Variants in TJP1 observed in about 807,000 individuals in gnomAD.
TJP1 encodes the protein tight junction protein ZO-1.
In TJP1, 43 loss-of-function variants were observed where a neutral mutation model predicts 194.2. That is an observed-to-expected ratio of 0.22 (90% confidence interval 0.17 to 0.29). TJP1 has a LOEUF of 0.29. Ranked by LOEUF, TJP1 falls within the 10% of genes least tolerant of loss-of-function variation. The probability of loss-of-function intolerance (pLI) is 1.00; values close to 1 mark genes in which losing one functional copy is unlikely to be tolerated. For missense variants in TJP1, 1,971 were observed against 2,185.7 expected (o/e 0.90, Z 1.96); for synonymous variants, 801 against 779.0 (o/e 1.03, Z -0.47).
chr15:29,877,527 A>ATTTCT (rs1271335080), intron 2 of TJP1, among the ~76,000 whole-genome samples: 1 of 151,380 alleles, frequency 6.6e-6, no homozygotes, highest in Non-Finnish European at 1.5e-5. Context: ...GGCCTAGATT[A>ATTTCT]TTTCTTTTCT....
chr15:29,768,417 A>G (rs1233533928), intron 4 of TJP1, among the ~76,000 whole-genome samples: 1 of 152,200 alleles, frequency 6.6e-6, no homozygotes, highest in Non-Finnish European at 1.5e-5. Flanking sequence ...TTATATTGGA[A>G]GCAATACCTG....
chr15:29,857,612 T>C (rs1472293678), intron 2 of TJP1, among the ~76,000 whole-genome samples: 1 of 152,170 alleles, frequency 6.6e-6, no homozygotes, highest in Non-Finnish European at 1.5e-5. Flanking sequence ...CAGAACTGAA[T>C]ACTGATGTCA....
At chr15:29,715,382 A>C (rs551819027) in intron 23 of TJP1, among the ~76,000 whole-genome samples, 7 of 152,322 alleles carry the variant, frequency 4.6e-5, no homozygotes, top group Admixed American at 3.9e-4. Flanking sequence ...TGTAAACATA[A>C]AGCCTTAAAT....
chr15:29,704,806 G>A (rs2041787882), intron 26 of TJP1, among the ~76,000 whole-genome samples: 1 of 152,184 alleles, frequency 6.6e-6, no homozygotes, highest in Non-Finnish European at 1.5e-5. Context: ...GGTGGTTAAA[G>A]AGATTCATGC....
intron 25 of TJP1, among the ~76,000 whole-genome samples, chr15:29,707,267 C>T (rs2041956111): frequency 6.6e-6 from 1 of 152,172 alleles, no homozygotes; most frequent in Non-Finnish European, 1.5e-5. Flanking sequence ...TATCAACTTC[C>T]TGAAAGTACA....
At chr15:29,865,247 A>G (rs941888133) in intron 2 of TJP1, among the ~76,000 whole-genome samples, 2 of 152,238 alleles carry the variant, frequency 1.3e-5, no homozygotes, top group Admixed American at 1.3e-4. Context: ...TACCGACAGT[A>G]GCAAATGCCA....
At chr15:29,865,503 G>T (rs2052270369) in intron 2 of TJP1, among the ~76,000 whole-genome samples, 1 of 152,158 alleles carries the variant, frequency 6.6e-6, no homozygotes, top group Non-Finnish European at 1.5e-5. Context: ...GACCCTAGGG[G>T]AGTTTAGAAT....
At chr15:29,949,263 CCACCACCTCCAT>C (rs2055428548) in intron 2 of TJP1, among the ~76,000 whole-genome samples, 1 of 116,260 alleles carries the variant, frequency 8.6e-6, no homozygotes, top group Non-Finnish European at 1.7e-5. Flanking sequence ...ACCTCCACCA[CCACCACCTCCAT>C]CACCTCCACC....
intron 2 of TJP1, among the ~76,000 whole-genome samples, chr15:29,836,505 T>C (rs1007655796): frequency 6.6e-6 from 1 of 151,874 alleles, no homozygotes; most frequent in Non-Finnish European, 1.5e-5. Flanking sequence ...TCTCCTGACC[T>C]CGTGAACCAC....
chr15:29,904,627 A>G (rs2053746951), intron 2 of TJP1, among the ~76,000 whole-genome samples: 1 of 152,228 alleles, frequency 6.6e-6, no homozygotes, highest in Admixed American at 6.5e-5. Flanking sequence ...AATTACAGAA[A>G]TGCAAACTAA....
intron 2 of TJP1, among the ~76,000 whole-genome samples, chr15:29,894,535 G>A (rs2053416629): frequency 6.6e-6 from 1 of 152,220 alleles, no homozygotes; most frequent in South Asian, 2.1e-4. Context: ...CTGTTGTGCG[G>A]CTATAACAAA....
intron 2 of TJP1, among the ~76,000 whole-genome samples, chr15:29,911,122 TTGGTATC>T (rs2053998691): frequency 6.6e-6 from 1 of 152,224 alleles, no homozygotes; most frequent in Non-Finnish European, 1.5e-5. Context: ...TTTACCTGCA[TTGGTATC>T]TCTCATGAAA....
At chr15:29,816,639 G>A (rs1357816884) in intron 1 of TJP1, among the ~76,000 whole-genome samples, 1 of 152,104 alleles carries the variant, frequency 6.6e-6, no homozygotes, top group Non-Finnish European at 1.5e-5. Context: ...GCATTGATCA[G>A]TAACTATCAT....
chr15:29,708,449 A>T, intron 25 of TJP1, 110 bp downstream of exon 25: 1 of 879,760 alleles, frequency 1.1e-6, no homozygotes, highest in Non-Finnish European at 1.8e-6. Context: ...TCTTCAGTTT[A>T]AAGGTTGAGT....
chr15:29,874,127 G>C (rs1030918445), intron 2 of TJP1, among the ~76,000 whole-genome samples: 2 of 152,148 alleles, frequency 1.3e-5, no homozygotes, highest in African/African-American at 4.8e-5. Flanking sequence ...CCCATTTAAG[G>C]CTGTCACCAC....
In TJP1 at chr15:29,957,819, T is replaced by C. The variant is rs532443907; in HGVS notation, c.174-1455A>G. On this transcript the variant is annotated intron_variant, in intron 1 of 28. Coordinates refer to the TJP1 transcript ENST00000356107. ...GAGATGGGAGTTTCCTACATGCTGA[T>C]AGGTAATACCTTTCCAAAAAGCTTT... Among the ~76,000 whole-genome samples the C allele has an allele frequency of 2.6e-5, 4 of 152,330 alleles. No individual in the cohort carries two copies. The East Asian group carries it at 7.7e-4, about 29-fold the overall frequency.
rs748606073 is a variant in TJP1 at position 29,705,636 on chromosome 15, C to T, written c.4960G>A (p.Val1654Ile). 3 of 1,614,176 alleles carry T rather than the reference C, an allele frequency of 1.9e-6. No individual in the cohort carries two copies. Among genetic ancestry groups the T allele is most frequent in the Non-Finnish European group, 1.7e-6 (2 of 1,180,036 alleles). Residue 1654 changes from valine to isoleucine, a missense_variant, in exon 26 of 28, where the codon GTT (valine) becomes ATT (isoleucine). Coordinates refer to ENST00000614355, the MANE Select transcript of TJP1 (RefSeq NM_001330239.4). The stretch of plus-strand genomic sequence containing the variant: ...GCTCCTTGAGGGATAATTATACTAA[C>T]ACCAGTTTCTATGGAACTCAGCACG... The part of the protein sequence containing the change: ...GGVLSSIETG[V>I]SIIIPQGAIP...
At chr15:29,882,629 T>C (rs1448161352) in intron 2 of TJP1, among the ~76,000 whole-genome samples, 2 of 152,206 alleles carry the variant, frequency 1.3e-5, no homozygotes, top group African/African-American at 2.4e-5. Flanking sequence ...CTGGATTAAA[T>C]GTGTTGGGCA....
chr15:29,774,590 T>C (rs1428036447), intron 2 of TJP1, among the ~76,000 whole-genome samples: 2 of 151,908 alleles, frequency 1.3e-5, no homozygotes, highest in African/African-American at 4.8e-5. Flanking sequence ...GGTGGTTGTC[T>C]AGGGCTACAG....
Sources: gnomAD v4.1 joint callset for allele counts (sites outside exome capture counted in the v4.1 genomes callset) on GRCh38, gnomAD v4.1.1 for gene constraint, MANE v1.5 for transcripts, NCBI Gene and HGNC (gene_info 2026-07-23, HGNC 2026-07-21) for gene names.